Variants in TTC23 observed in about 807,000 individuals in gnomAD.
The protein encoded by TTC23 is tetratricopeptide repeat domain 23.
Under a neutral mutation model 55.1 loss-of-function variants are expected in TTC23, and 58 were observed. That is an observed-to-expected ratio of 1.05 (90% confidence interval 0.85 to 1.31). The LOEUF (loss-of-function observed/expected upper bound fraction) is 1.31, where lower values mean the gene tolerates loss of function less well. Among genes scored for constraint, TTC23 ranks in the 50% most tolerant of loss-of-function variants. TTC23 has a pLI of 0.00. For missense variants in TTC23, 516 were observed against 534.4 expected (o/e 0.97, Z 0.34); for synonymous variants, 203 against 199.9 (o/e 1.02, Z -0.13).
chr15:99,187,183 T>C (rs928369037), intron 9 of TTC23, among the ~76,000 whole-genome samples: 1 of 151,900 alleles, frequency 6.6e-6, no homozygotes, highest in African/African-American at 2.4e-5. Context: ...TATTTTGACA[T>C]GGGTCCCAAA....
intron 8 of TTC23, among the ~76,000 whole-genome samples, chr15:99,204,934 C>A (rs2076500389): frequency 6.6e-6 from 1 of 152,076 alleles, no homozygotes. Context: ...CACTGCCTGG[C>A]CAGATTTAAG....
chr15:99,144,193 A>T (rs1555491827), intron 12 of TTC23, among the ~76,000 whole-genome samples: 1 of 152,162 alleles, frequency 6.6e-6, no homozygotes, highest in East Asian at 1.9e-4. Flanking sequence ...GAGGTTTGAA[A>T]GCTAGGAGTC....
At chr15:99,221,610 A>C in intron 6 of TTC23, 131 bp downstream of exon 6, 1 of 1,198,666 alleles carries the variant, frequency 8.3e-7, no homozygotes, top group Non-Finnish European at 1.1e-6. Context: ...CTTTCTAAAA[A>C]GAAATGGCTT....
intron 12 of TTC23, among the ~76,000 whole-genome samples, chr15:99,151,786 G>A (rs1293171697): frequency 6.6e-6 from 1 of 152,200 alleles, no homozygotes; most frequent in Non-Finnish European, 1.5e-5. Context: ...ATTCCACGAT[G>A]TGAAATAGAT....
At chr15:99,182,043 CTTAA>C (rs1176573763) in intron 9 of TTC23, among the ~76,000 whole-genome samples, 8 of 152,192 alleles carry the variant, frequency 5.3e-5, no homozygotes, top group African/African-American at 1.9e-4. Flanking sequence ...TTTCTTAAAA[CTTAA>C]TTAGATTTTT....
intron 9 of TTC23, among the ~76,000 whole-genome samples, chr15:99,177,501 G>A (rs1357273700): frequency 2.6e-5 from 4 of 152,136 alleles, no homozygotes; most frequent in Middle Eastern, 3.2e-3. Context: ...TGCTTGTGTA[G>A]TGTTTGGAGA....
At chr15:99,151,491 T>C (rs1302189388) in intron 12 of TTC23, 1 of 152,328 alleles carries the variant, frequency 6.6e-6, no homozygotes, top group African/African-American at 2.4e-5. Flanking sequence ...GAGGAAGATG[T>C]GCAGAGAGGA....
Position 99,183,009 on chromosome 15 carries a change from T to C in TTC23, c.760-7854A>G, listed in dbSNP as rs190216460. ...AGATACCAGAGAATGTGGAAGTGAC[T>C]TTGGAACTGGGTAATGGGCAGAGGT... On this transcript the variant is annotated intron_variant, in intron 9 of 13. Coordinates refer to ENST00000394132, the MANE Select transcript of TTC23 (RefSeq NM_001288615.3). Among the ~76,000 whole-genome samples, 10 of 152,290 alleles carry C rather than the reference T, an allele frequency of 6.6e-5. No homozygotes were observed. In the East Asian group the frequency reaches 1.9e-3, roughly 29 times the overall value.
chr15:99,138,024 T>TGCCGG lies in TTC23; in HGVS notation c.1325_1329dup (p.Thr444ProfsTer23). 6.2e-7 allele frequency: 1 copy of TGCCGG among 1,614,150 alleles called. No individual in the cohort carries two copies. The highest frequency in any genetic ancestry group is 1.3e-5 in the African/African-American group (1 of 75,068). On this transcript the variant is annotated frameshift_variant, in exon 14 of 14. Coordinates refer to ENST00000394132, the MANE Select transcript of TTC23 (RefSeq NM_001288615.3). LOFTEE classifies it high-confidence loss of function. The stretch of plus-strand genomic sequence containing the variant: ...GGGTGGGGGCCTCAGTCTGCTGTTG[T>TGCCGG]GCCGGGCCGGGCCTTCCCCAGCAGG...
chr15:99,150,404 C>T (rs2069549158), intron 12 of TTC23, among the ~76,000 whole-genome samples: 1 of 152,120 alleles, frequency 6.6e-6, no homozygotes, highest in Non-Finnish European at 1.5e-5. Context: ...GAGCAAGGCT[C>T]AAAAAATTTT....
chr15:99,170,256 A>T (rs2072731901), intron 10 of TTC23, among the ~76,000 whole-genome samples: 1 of 152,200 alleles, frequency 6.6e-6, no homozygotes, highest in Admixed American at 6.5e-5. Context: ...CAAAGGGATC[A>T]GCTTGTGCGT....
rs55925627 is a variant in TTC23 at position 99,164,642 on chromosome 15, T to C, written c.866-2775A>G. Among the ~76,000 whole-genome samples the C allele has an allele frequency of 3.0e-3, 455 of 152,360 alleles. 3 individuals carry two copies. Among genetic ancestry groups the C allele is most frequent in the African/African-American group, 9.9e-3 (411 of 41,576 alleles). On this transcript the variant is annotated intron_variant, in intron 10 of 13. Coordinates refer to ENST00000394132, the MANE Select transcript of TTC23 (RefSeq NM_001288615.3). ...ATATTTGGTTATTCCCTTCTATCAT[T>C]TCTAGTTTTGCATTTGTACTTCCTC... is the stretch of plus-strand genomic sequence containing the variant.
intron 8 of TTC23, among the ~76,000 whole-genome samples, chr15:99,210,623 C>T (rs1596701591): frequency 6.6e-6 from 1 of 152,036 alleles, no homozygotes; most frequent in East Asian, 1.9e-4. Context: ...GCCTTTATGT[C>T]CAAAAGAGAG....
chr15:99,224,470 T>C (rs1189127229), intron 5 of TTC23, among the ~76,000 whole-genome samples: 2 of 152,368 alleles, frequency 1.3e-5, no homozygotes, highest in East Asian at 1.9e-4. Flanking sequence ...TTCTATGATA[T>C]AAGTTTGAAT....
At chr15:99,222,373 C>G (rs1285559154) in intron 5 of TTC23, among the ~76,000 whole-genome samples, 4 of 152,122 alleles carry the variant, frequency 2.6e-5, no homozygotes, top group Non-Finnish European at 4.4e-5. Flanking sequence ...CTCCAGGGGG[C>G]TCGAGCAATC....
intron 9 of TTC23, among the ~76,000 whole-genome samples, chr15:99,183,708 A>G (rs1454948820): frequency 1.3e-5 from 2 of 152,150 alleles, no homozygotes; most frequent in African/African-American, 4.8e-5. Context: ...GAAAATTTGT[A>G]GCCTGACAAT....
At position 99,221,724 on chromosome 15, in the gene TTC23, G is replaced by A; in HGVS notation, c.304+17C>T. 6 of 1,613,880 alleles carry A rather than the reference G, an allele frequency of 3.7e-6. No individual in the cohort carries two copies. Among genetic ancestry groups the A allele is most frequent in the Non-Finnish European group, 4.2e-6 (5 of 1,179,828 alleles). On this transcript the variant is annotated intron_variant, in intron 6 of 13. Transcript: ENST00000394132. ...GAAATCGACCAACTGATCCCCCTCA[G>A]TCTAAGGCGAGCTTACCTTTCAGCT...
chr15:99,200,573 T>C (rs2076117520), intron 8 of TTC23, among the ~76,000 whole-genome samples: 2 of 152,190 alleles, frequency 1.3e-5, no homozygotes, highest in Non-Finnish European at 2.9e-5. Flanking sequence ...ATTTTAGAAA[T>C]TTCCCAGTAT....
At chr15:99,167,091 C>T (rs1040723474) in intron 10 of TTC23, among the ~76,000 whole-genome samples, 3 of 152,090 alleles carry the variant, frequency 2.0e-5, no homozygotes, top group African/African-American at 4.8e-5. Context: ...CCTATTACTA[C>T]AGCAAAGGGG....
Sources: allele counts gnomAD v4.1 joint callset (sites outside exome capture counted in the v4.1 genomes callset), GRCh38; gene constraint gnomAD v4.1.1; transcripts MANE v1.5; gene names NCBI Gene and HGNC (gene_info 2026-07-23, HGNC 2026-07-21).